Variants in HDAC11 observed in about 807,000 individuals in gnomAD.
HDAC11 encodes histone deacetylase 11.
HDAC11 carries 23 observed loss-of-function variants against 41.1 expected under a neutral mutation model. The ratio of observed to expected loss-of-function variants is 0.56; its 90% CI spans 0.40 to 0.79. HDAC11 has a LOEUF of 0.79. Ranked by LOEUF, HDAC11 falls within the 30% of genes least tolerant of loss-of-function variation. The pLI, the probability that HDAC11 is intolerant of heterozygous loss-of-function variation, is 0.00. For missense variants in HDAC11, 402 were observed against 477.3 expected, an observed-to-expected ratio of 0.84 and a Z score of 1.47; for synonymous variants, 187 against 186.6, an observed-to-expected ratio of 1.00 and a Z score of -0.02.
intron 8 of HDAC11, 25 bp downstream of exon 8, chr3:13,503,005 C>T: frequency 1.3e-6 from 2 of 1,557,622 alleles, no homozygotes; most frequent in Non-Finnish European, 1.8e-6. Context: ...CTACCCTCAT[C>T]TTGGGTGTGT....
chr3:13,498,296 T>C (rs773338528), intron 4 of HDAC11, among the ~76,000 whole-genome samples: 35 of 152,380 alleles, frequency 2.3e-4, no homozygotes, highest in Admixed American at 1.6e-3. Context: ...AAGGTGCTTA[T>C]GCACTGTACA....
intron 3 of HDAC11, among the ~76,000 whole-genome samples, chr3:13,489,285 A>G (rs1198689845): frequency 6.6e-6 from 1 of 152,182 alleles, no homozygotes; most frequent in African/African-American, 2.4e-5. Context: ...ATATCTAAGA[A>G]TCCATTGCCA....
In HDAC11 at chr3:13,496,863, T is replaced by TA. The variant is rs1702122751; in HGVS notation, c.369+11_369+12insA. The TA allele has an allele frequency of 9.3e-7, 1 of 1,080,082 alleles. No individual in the cohort carries two copies. The highest frequency in any genetic ancestry group is 3.0e-5 in the East Asian group (1 of 33,142). 66.9% of individuals were successfully genotyped at this position (1,080,082 alleles called of 1,614,324 possible). ...GGAGGAACCATAATGGTAGGTGGGG[T>TA]GGGGGGGCATGGCTGGGCTGGGGGC... On this transcript the variant is annotated intron_variant, in intron 4 of 9. Coordinates refer to ENST00000295757, the MANE Select transcript of HDAC11 (RefSeq NM_024827.4).
chr3:13,495,648 T>G (rs1702063127), intron 3 of HDAC11, among the ~76,000 whole-genome samples: 1 of 152,206 alleles, frequency 6.6e-6, no homozygotes, highest in African/African-American at 2.4e-5. Context: ...GGTTCCCTAC[T>G]GCCCTGACGA....
At chr3:13,501,202 C>T (rs1230983080) in intron 6 of HDAC11, among the ~76,000 whole-genome samples, 2 of 152,210 alleles carry the variant, frequency 1.3e-5, no homozygotes, top group Admixed American at 1.3e-4. Context: ...CTCCCTGAAT[C>T]CTCGCAGACA....
In HDAC11 at chr3:13,481,328, A is replaced by C; in HGVS notation, c.85A>C (p.Met29Leu). ...VYSPRYNITF[M>L]GLEKLHPFDA... ...CTCGCCGCGCTACAACATCACCTTC[A>C]TGGGCCTGGAGAAGCTGCATCCCTT... The change falls in exon 2 of 10, where the codon ATG (methionine) becomes CTG (leucine). Residue 29 changes from methionine (M) to leucine (L), a missense_variant. Met to Leu is a conservative substitution (Grantham distance 15). Transcript: ENST00000295757. 1.2e-6 allele frequency: 2 copies of C among 1,613,934 alleles called. No homozygotes were observed. Among genetic ancestry groups the C allele is most frequent in the Non-Finnish European group, 1.7e-6 (2 of 1,180,010 alleles).
At chr3:13,499,826 G>T (rs1210290688) in intron 5 of HDAC11, among the ~76,000 whole-genome samples, 1 of 152,212 alleles carries the variant, frequency 6.6e-6, no homozygotes. Context: ...CCCATGGCAG[G>T]TGTTACTGCC....
intron 3 of HDAC11, among the ~76,000 whole-genome samples, chr3:13,496,167 G>A (rs1187899233): frequency 3.3e-5 from 5 of 152,176 alleles, no homozygotes; most frequent in African/African-American, 4.8e-5. Flanking sequence ...TTCAGGTACC[G>A]TAGACCCCCC....
chr3:13,501,276 T>A (rs1468037868), intron 6 of HDAC11, among the ~76,000 whole-genome samples: 2 of 152,156 alleles, frequency 1.3e-5, no homozygotes, highest in Non-Finnish European at 2.9e-5. Flanking sequence ...TGGCCTCTGG[T>A]CTGTGGGGCC....
chr3:13,487,103 C>T (rs941102361), intron 3 of HDAC11, among the ~76,000 whole-genome samples: 9 of 152,090 alleles, frequency 5.9e-5, no homozygotes, highest in African/African-American at 2.2e-4. Flanking sequence ...CTTGGACAGT[C>T]ACGAGGGGGT....
rs769023025 is a variant in HDAC11, at chr3:13,504,089, C to T, written c.650-5C>T. 2.4e-5 allele frequency: 39 copies of T among 1,613,596 alleles called. No homozygotes were observed. The South Asian group carries it at 3.7e-4, about 15-fold the overall frequency. ...AAATTGAGGCCATCCATGTCTCTCT[C>T]CCAGAGGCCATCAGGCGGAAGGTGG... is the stretch of plus-strand genomic sequence containing the variant. On this transcript the variant is annotated splice_polypyrimidine_tract_variant and splice_region_variant and intron_variant, in intron 8 of 9. Coordinates refer to ENST00000295757, the MANE Select transcript of HDAC11 (RefSeq NM_024827.4).
chr3:13,480,342 C>G lies in HDAC11; in HGVS notation c.-6C>G. ...TGCGGCCAGCTTTGGGAGGGCCGGC[C>G]CCGGGATGTGAGTGCCGCGGGGCGA... On this transcript the variant is annotated 5_prime_UTR_variant, in exon 1 of 10. Transcript: ENST00000295757. The surrounding 1 kb of genome is among the most constrained non-coding windows in gnomAD (Gnocchi z 4.6). 8.2e-7 allele frequency: 1 copy of G among 1,222,676 alleles called. No individual in the cohort carries two copies. The highest frequency in any genetic ancestry group is 1.0e-6 in the Non-Finnish European group (1 of 982,082). The allele number at this position is 1,222,676 out of a possible 1,614,324, so 75.7% of individuals were successfully genotyped here.
intron 5 of HDAC11, among the ~76,000 whole-genome samples, chr3:13,499,712 T>C (rs1702265684): frequency 6.6e-6 from 1 of 152,170 alleles, no homozygotes; most frequent in Non-Finnish European, 1.5e-5. Context: ...TAGCATTCAG[T>C]CTGGCATAGT....
intron 3 of HDAC11, among the ~76,000 whole-genome samples, chr3:13,489,477 C>G (rs1161313388): frequency 6.6e-6 from 1 of 152,184 alleles, no homozygotes; most frequent in Non-Finnish European, 1.5e-5. Flanking sequence ...CTGTTTTTCC[C>G]CTGTTGAATG....
chr3:13,503,012 G>A, intron 8 of HDAC11, 32 bp downstream of exon 8: 2 of 1,526,272 alleles, frequency 1.3e-6, no homozygotes, highest in South Asian at 2.2e-5. Context: ...CATCTTGGGT[G>A]TGTCCTTGTG....
chr3:13,496,789 C>A lies in HDAC11; in HGVS notation c.306C>A (p.Pro102=), dbSNP rs1702116890. The A allele has an allele frequency of 2.5e-6, 4 of 1,604,426 alleles. No homozygotes were observed. Among genetic ancestry groups the A allele is most frequent in the Admixed American group, 3.4e-5 (2 of 59,230 alleles). The change falls in exon 4 of 10, where the codon CCC becomes CCA. Residue 102 remains proline, a synonymous_variant. Coordinates refer to ENST00000295757, the MANE Select transcript of HDAC11 (RefSeq NM_024827.4). ...AAATCCCCCCCGTTATCTTCCTCCC[C>A]AACTTCCTTGTGCAGAGGAAGGTGC... ...ITEIPPVIFL[P]NFLVQRKVLR... is the part of the protein sequence containing the mutation.
intron 3 of HDAC11, among the ~76,000 whole-genome samples, chr3:13,485,801 G>A (rs952571403): frequency 1.3e-5 from 2 of 150,826 alleles, no homozygotes; most frequent in Non-Finnish European, 2.9e-5. Flanking sequence ...AATAATAAAA[G>A]TATTAACAGG....
rs541202417 is a variant in HDAC11 at position 13,496,319 on chromosome 3, C to T, written c.253-417C>T. Among the ~76,000 whole-genome samples, 101 of 152,332 alleles carry T rather than the reference C, an allele frequency of 6.6e-4. 1 individual carries two copies. The South Asian group carries it at 0.019, about 29-fold the overall frequency. On this transcript the variant is annotated intron_variant, in intron 3 of 9. Coordinates refer to ENST00000295757, the MANE Select transcript of HDAC11 (RefSeq NM_024827.4). ...GCTCTGTCAGTGACTCATTGTGTGG[C>T]CTTGGGAAGATCCTCGCTGCCTAGG... is the stretch of plus-strand genomic sequence containing the variant.
chr3:13,482,548 C>A (rs1453162164), intron 2 of HDAC11, among the ~76,000 whole-genome samples: 1 of 152,162 alleles, frequency 6.6e-6, no homozygotes, highest in Non-Finnish European at 1.5e-5. Context: ...TCTGGGAGGC[C>A]AAGGCTAGGA....
Sources: gnomAD v4.1 joint callset for allele counts (sites outside exome capture counted in the v4.1 genomes callset) on GRCh38, gnomAD v4.1.1 for gene constraint, Gnocchi (gnomAD v3.1) non-coding constraint, MANE v1.5 for transcripts, NCBI Gene and HGNC (gene_info 2026-07-23, HGNC 2026-07-21) for gene names.